Variants in HIVEP1 observed in about 807,000 individuals in gnomAD.
HIVEP1 encodes the protein zinc finger protein 40.
Under a neutral mutation model 180.0 loss-of-function variants are expected in HIVEP1, and 36 were observed. The observed-to-expected ratio is 0.20, with a 90% CI of 0.15 to 0.26. The LOEUF (loss-of-function observed/expected upper bound fraction) is 0.26, where lower values mean the gene tolerates loss of function less well. HIVEP1 is among the 10% of genes least tolerant of loss of function. The pLI is 1.00. For missense variants in HIVEP1, 3,143 were observed against 3,268.7 expected (o/e 0.96, Z 0.94); for synonymous variants, 1,239 against 1,239.0 (o/e 1.00, Z 0.00).
At chr6:12,100,427 C>T (rs1268432618) in intron 3 of HIVEP1, among the ~76,000 whole-genome samples, 1 of 152,178 alleles carries the variant, frequency 6.6e-6, no homozygotes, top group Non-Finnish European at 1.5e-5. Context: ...GAGTGGTCCA[C>T]AGCACACATT....
chr6:12,203,819 G>A, the HIVEP1 span, among the ~76,000 whole-genome samples: 2 of 152,202 alleles, frequency 1.3e-5, no homozygotes, highest in Admixed American at 6.5e-5. Context: ...GCTCACGTCT[G>A]TAATCCCAGC....
At chr6:12,080,127 A>G (rs77068654) in intron 2 of HIVEP1, among the ~76,000 whole-genome samples, 6,008 of 152,238 alleles carry the variant, frequency 0.039, 280 homozygotes, top group African/African-American at 0.11. Context: ...GAGCTAAAAG[A>G]GTGGCACTAA....
At chr6:12,158,933 C>A (rs1192045397) in intron 7 of HIVEP1, among the ~76,000 whole-genome samples, 1 of 152,144 alleles carries the variant, frequency 6.6e-6, no homozygotes. Flanking sequence ...CTTACCCCAC[C>A]CTCCTGTGAG....
chr6:12,022,290 C>T (rs1768283272), intron 2 of HIVEP1, among the ~76,000 whole-genome samples: 1 of 152,090 alleles, frequency 6.6e-6, no homozygotes, highest in African/African-American at 2.4e-5. Flanking sequence ...CCTTCCTCAG[C>T]CTCCTGAGTA....
chr6:12,204,076 GA>G, the HIVEP1 span, among the ~76,000 whole-genome samples: 20 of 143,870 alleles, frequency 1.4e-4, no homozygotes, highest in South Asian at 2.2e-4. Flanking sequence ...AACTCCATCT[GA>G]AAAAAAAAAA....
At chr6:12,175,574 A>C in the HIVEP1 span, among the ~76,000 whole-genome samples, 14 of 152,246 alleles carry the variant, frequency 9.2e-5, no homozygotes, top group Non-Finnish European at 1.9e-4. Context: ...CCATGGTCAG[A>C]TGTGTATCTG....
intron 2 of HIVEP1, among the ~76,000 whole-genome samples, chr6:12,053,819 A>G (rs768627219): frequency 2.0e-5 from 3 of 152,266 alleles, no homozygotes; most frequent in Admixed American, 6.5e-5. Flanking sequence ...GCTCTGTTAT[A>G]TGGTGGCTTT....
At chr6:12,009,904 T>A (rs1318093082), upstream of HIVEP1, among the ~76,000 whole-genome samples, 3 of 152,282 alleles carry the variant, frequency 2.0e-5, no homozygotes, top group African/African-American at 7.2e-5. Flanking sequence ...GTAGTAATGC[T>A]GAATCCTACA....
At chr6:12,050,796 C>T (rs1223771738) in intron 2 of HIVEP1, among the ~76,000 whole-genome samples, 1 of 151,678 alleles carries the variant, frequency 6.6e-6, no homozygotes, top group Admixed American at 6.6e-5. Flanking sequence ...TAGGCCTTTC[C>T]TGCTTCCAAG....
At chr6:12,132,477 A>G (rs537376013) in intron 6 of HIVEP1, among the ~76,000 whole-genome samples, 1 of 152,332 alleles carries the variant, frequency 6.6e-6, no homozygotes, top group Non-Finnish European at 1.5e-5. Flanking sequence ...AAGTAAGGGC[A>G]AAAAAGGAAG....
chr6:12,021,909 C>T (rs1768242009), intron 2 of HIVEP1, among the ~76,000 whole-genome samples: 1 of 152,170 alleles, frequency 6.6e-6, no homozygotes. Flanking sequence ...AAGTGATCCA[C>T]CCGCCTTGGT....
intron 7 of HIVEP1, among the ~76,000 whole-genome samples, chr6:12,155,414 C>A (rs1759972604): frequency 6.7e-6 from 1 of 149,804 alleles, no homozygotes; most frequent in African/African-American, 2.5e-5. Context: ...ACCCCTATCA[C>A]CCCCCAACAG....
intron 2 of HIVEP1, among the ~76,000 whole-genome samples, chr6:12,024,249 A>ATTTTTTTT (rs201215779): frequency 1.5e-5 from 2 of 134,864 alleles, no homozygotes; most frequent in Non-Finnish European, 1.6e-5. Context: ...ATTGATTTTG[A>ATTTTTTTT]TTTTTTTTTT....
the HIVEP1 span, among the ~76,000 whole-genome samples, chr6:12,201,514 CA>C: frequency 2.0e-5 from 3 of 151,946 alleles, no homozygotes; most frequent in South Asian, 2.1e-4. Context: ...CAAAACAAAA[CA>C]TTTTTTTGAA....
At chr6:12,073,165 C>T (rs80065248) in intron 2 of HIVEP1, among the ~76,000 whole-genome samples, 3,479 of 152,196 alleles carry the variant, frequency 0.023, 137 homozygotes, top group African/African-American at 0.079. Flanking sequence ...TAGAGTAGGT[C>T]TGTTGAGTTG....
the HIVEP1 span, among the ~76,000 whole-genome samples, chr6:12,174,815 T>C: frequency 6.6e-6 from 1 of 152,214 alleles, no homozygotes; most frequent in Non-Finnish European, 1.5e-5. Context: ...GTTGTCCTTG[T>C]TGTTGCTATT....
intron 3 of HIVEP1, among the ~76,000 whole-genome samples, chr6:12,111,699 G>T (rs1274845163): frequency 6.6e-6 from 1 of 152,222 alleles, no homozygotes; most frequent in African/African-American, 2.4e-5. Context: ...CTCTTCAGTT[G>T]TTCAATACCT....
intron 7 of HIVEP1, among the ~76,000 whole-genome samples, chr6:12,159,769 G>A (rs1055201203): frequency 6.6e-6 from 1 of 152,084 alleles, no homozygotes; most frequent in East Asian, 1.9e-4. Flanking sequence ...AAAAGCAAAA[G>A]CCTTATGAAA....
downstream of HIVEP1, among the ~76,000 whole-genome samples, chr6:12,168,347 G>GTATATATTATATACATA (rs1265970305): frequency 2.0e-5 from 1 of 49,240 alleles, no homozygotes; most frequent in Non-Finnish European, 4.6e-5. Context: ...ATATATACAT[G>GTATATATTATATACATA]TATATGTATA....
Sources: allele counts gnomAD v4.1 joint callset (sites outside exome capture counted in the v4.1 genomes callset), GRCh38; gene constraint gnomAD v4.1.1; transcripts MANE v1.5; gene names NCBI Gene and HGNC (gene_info 2026-07-23, HGNC 2026-07-21).